Variants in RTL9 observed in about 807,000 individuals in gnomAD.
RTL9 encodes the protein retrotransposon Gag-like protein 9.
RTL9 carries 19 observed loss-of-function variants against 44.7 expected under a neutral mutation model. That is an observed-to-expected ratio of 0.42 (90% CI 0.30 to 0.62). The LOEUF is 0.62. RTL9 is among the 20% of genes least tolerant of loss of function. RTL9 has a pLI of 0.16. For missense variants in RTL9, 1,105 were observed against 1,080.6 expected (o/e 1.02, Z -0.32); for synonymous variants, 407 against 398.9 (o/e 1.02, Z -0.24).
upstream of RTL9, among the ~76,000 whole-genome samples, chrX:110,448,088 A>C (rs1021539823): frequency 1.8e-5 from 2 of 111,869 alleles, no homozygotes; most frequent in African/African-American, 3.3e-5. Context: ...TTTCTGTTGA[A>C]TCCTAGCCCT....
At chrX:110,364,120 C>T (rs2068281843) in intron 1 of RTL9, among the ~76,000 whole-genome samples, 1 of 111,148 alleles carries the variant, frequency 9.0e-6, no homozygotes, top group African/African-American at 3.3e-5. Context: ...GATTCTGTTC[C>T]TTGCCTCTTC....
intron 1 of RTL9, among the ~76,000 whole-genome samples, chrX:110,393,767 C>A (rs931092550): frequency 8.9e-6 from 1 of 112,543 alleles, no homozygotes; most frequent in Non-Finnish European, 1.9e-5. Context: ...GGGCCACTGT[C>A]CATGGACAGG....
exon 1 of RTL9, chrX:110,453,581 G>A (rs2068960693): frequency 8.3e-7 from 1 of 1,212,018 alleles, no homozygotes; most frequent in Non-Finnish European, 1.1e-6. Context: ...CTGGAGCAAC[G>A]TCCACATTGC....
chrX:110,453,159 C>T (rs1025504835), exon 1 of RTL9: 2 of 1,211,159 alleles, frequency 1.7e-6, no homozygotes, highest in Admixed American at 4.3e-5. Context: ...AATGTCCATG[C>T]CACTAACAAG....
chrX:110,401,050 C>G (rs148209441), intron 1 of RTL9, among the ~76,000 whole-genome samples: 16 of 112,298 alleles, frequency 1.4e-4, no homozygotes, highest in African/African-American at 4.5e-4. Context: ...AACAATCTCA[C>G]GTCTCAAGTC....
chrX:110,454,325 T>C lies in RTL9; in HGVS notation c.3708T>C (p.Ser1236=), dbSNP rs369743730. The C allele has an allele frequency of 3.3e-6, 4 of 1,210,233 alleles. No homozygotes were observed. In the African/African-American group the frequency reaches 5.2e-5, roughly 16 times the overall value. Reference sequence around the variant, plus strand: ...CCCTATCTGAGATAGACATCCTCAGTGCTGTTCTTTGCCATCCCAAACAGG... The same window carrying C: ...CCCTATCTGAGATAGACATCCTCAGCGCTGTTCTTTGCCATCCCAAACAGG... The change falls in exon 1 of 2, where the codon AGT becomes AGC. Residue 1236 remains serine, a synonymous_variant. Coordinates refer to ENST00000540313, the Ensembl canonical transcript of RTL9.
chrX:110,380,450 CACAG>C (rs1222822266), intron 1 of RTL9, among the ~76,000 whole-genome samples: 1 of 111,844 alleles, frequency 8.9e-6, no homozygotes, highest in Non-Finnish European at 1.9e-5. Context: ...TCAGAGGCAA[CACAG>C]ACAAATGGAA....
intron 1 of RTL9, among the ~76,000 whole-genome samples, chrX:110,401,031 A>G (rs2068560819): frequency 8.9e-6 from 1 of 112,307 alleles, no homozygotes. Context: ...GTGCTGAACC[A>G]TTTACACAAA....
intron 1 of RTL9, among the ~76,000 whole-genome samples, chrX:110,379,540 G>A (rs887220753): frequency 3.6e-5 from 4 of 111,667 alleles, no homozygotes; most frequent in Non-Finnish European, 5.6e-5. Context: ...AACTTCCCAA[G>A]CATGTGATTT....
At chrX:110,369,115 G>A (rs1159889813) in intron 1 of RTL9, among the ~76,000 whole-genome samples, 13 of 111,833 alleles carry the variant, frequency 1.2e-4, no homozygotes, top group Non-Finnish European at 2.1e-4. Context: ...GGCAGATCAG[G>A]AAGTCAGGGA....
intron 1 of RTL9, among the ~76,000 whole-genome samples, chrX:110,426,213 C>T (rs774667910): frequency 5.3e-5 from 6 of 112,434 alleles, no homozygotes; most frequent in South Asian, 7.4e-4. Context: ...GATTAATCAT[C>T]GATTCAGCCA....
intron 1 of RTL9, among the ~76,000 whole-genome samples, chrX:110,359,321 T>C (rs2068247479): frequency 8.9e-6 from 1 of 111,815 alleles, no homozygotes; most frequent in Admixed American, 9.5e-5. Flanking sequence ...ATGAACCCTC[T>C]AATGTTTTCT....
intron 1 of RTL9, among the ~76,000 whole-genome samples, chrX:110,431,668 C>T (rs1029985702): frequency 5.4e-5 from 6 of 111,529 alleles, no homozygotes; most frequent in Non-Finnish European, 1.1e-4. Flanking sequence ...GAAGGTTGCC[C>T]TGATGACTTT....
At chrX:110,379,247 A>T (rs1352053068) in intron 1 of RTL9, among the ~76,000 whole-genome samples, 6 of 112,026 alleles carry the variant, frequency 5.4e-5, no homozygotes. Context: ...TTTCTTAGTA[A>T]ATGGTTTGGT....
chrX:110,378,726 G>T (rs2068396752), intron 1 of RTL9, among the ~76,000 whole-genome samples: 1 of 111,670 alleles, frequency 9.0e-6, no homozygotes, highest in Non-Finnish European at 1.9e-5. Context: ...ATTCTTTAAT[G>T]CCCAAGACAC....
chrX:110,455,290 G>A (rs1301218481), exon 2 of RTL9: 14 of 1,207,991 alleles, frequency 1.2e-5, no homozygotes, highest in South Asian at 3.5e-5. Flanking sequence ...CAGAGCACAG[G>A]CCATCATCAG....
At chrX:110,449,432 C>T (rs1221580022), upstream of RTL9, among the ~76,000 whole-genome samples, 5 of 112,477 alleles carry the variant, frequency 4.4e-5, no homozygotes, top group African/African-American at 6.5e-5. Flanking sequence ...GTGACATTGT[C>T]CCAAAGTAGC....
intron 1 of RTL9, among the ~76,000 whole-genome samples, chrX:110,394,887 A>G (rs1285511252): frequency 8.9e-6 from 1 of 112,814 alleles, no homozygotes; most frequent in Admixed American, 9.3e-5. Context: ...GCATATGGGG[A>G]ACAGTGGGGC....
chrX:110,359,342 T>C (rs1313745351), intron 1 of RTL9, among the ~76,000 whole-genome samples: 1 of 112,054 alleles, frequency 8.9e-6, no homozygotes, highest in East Asian at 2.8e-4. Flanking sequence ...GCAGCTTCTT[T>C]GAGCTCATTC....
Sources: allele counts gnomAD v4.1 joint callset (sites outside exome capture counted in the v4.1 genomes callset), GRCh38; gene constraint gnomAD v4.1.1; transcripts MANE v1.5; gene names NCBI Gene and HGNC (gene_info 2026-07-23, HGNC 2026-07-21).